The following RAB38 variants were observed in gnomAD, a reference collection of about 807,000 sequenced individuals.
RAB38 encodes ras-related protein Rab-38.
A neutral mutation model predicts 18.4 loss-of-function variants in RAB38; 15 were observed. That is an observed-to-expected ratio of 0.82 (90% CI 0.55 to 1.26). The LOEUF (loss-of-function observed/expected upper bound fraction) is 1.26, where lower values mean the gene tolerates loss of function less well. Ranked by LOEUF, RAB38 falls within the 50% of genes most tolerant of loss-of-function variation. The probability of loss-of-function intolerance (pLI) is 0.00; values close to 1 mark genes in which losing one functional copy is unlikely to be tolerated. For missense variants in RAB38, 294 were observed against 267.4 expected, an observed-to-expected ratio of 1.10 and a Z score of -0.69; for synonymous variants, 101 against 104.4, an observed-to-expected ratio of 0.97 and a Z score of 0.20.
the RAB38 span, among the ~76,000 whole-genome samples, chr11:88,074,723 C>A: frequency 6.6e-6 from 1 of 152,116 alleles, no homozygotes; most frequent in Non-Finnish European, 1.5e-5. Flanking sequence ...ACCAGTGAAT[C>A]TAAATTGATT....
the RAB38 span, among the ~76,000 whole-genome samples, chr11:87,952,640 A>ATAGGG: frequency 1.3e-5 from 2 of 152,170 alleles, no homozygotes; most frequent in African/African-American, 4.8e-5. Flanking sequence ...TGTAATCAGT[A>ATAGGG]TAGGGTTCAG....
chr11:88,161,976 A>AATC (rs1490243726), intron 1 of RAB38, among the ~76,000 whole-genome samples: 1 of 152,122 alleles, frequency 6.6e-6, no homozygotes, highest in Non-Finnish European at 1.5e-5. Flanking sequence ...GTAAATATAT[A>AATC]ATCAACAGTA....
At chr11:88,139,920 T>C (rs1468190116) in intron 2 of RAB38, among the ~76,000 whole-genome samples, 1 of 152,152 alleles carries the variant, frequency 6.6e-6, no homozygotes, top group South Asian at 2.1e-4. Flanking sequence ...AAAAGACAAA[T>C]TTGACAGCCA....
At chr11:87,930,821 G>C in the RAB38 span, among the ~76,000 whole-genome samples, 1 of 148,712 alleles carries the variant, frequency 6.7e-6, no homozygotes, top group Non-Finnish European at 1.5e-5. Flanking sequence ...ATTAAATAGG[G>C]AATCCTTTCC....
the RAB38 span, among the ~76,000 whole-genome samples, chr11:87,835,776 A>G: frequency 1.3e-5 from 2 of 152,188 alleles, no homozygotes; most frequent in East Asian, 1.9e-4. Flanking sequence ...CCTTTATCTT[A>G]GACTTCCATT....
In RAB38 at chr11:88,136,630, A is replaced by C. The variant is rs138968747; in HGVS notation, c.483+13045T>G. On this transcript the variant is annotated intron_variant, in intron 2 of 2. Transcript: ENST00000243662. Reference sequence around the variant, plus strand: ...AAAGAATGAGAACATGTGCAACAGCATTCAAAAGATTTGCACACATTTTTA... The same window carrying C: ...AAAGAATGAGAACATGTGCAACAGCCTTCAAAAGATTTGCACACATTTTTA... Among the ~76,000 whole-genome samples, 1,352 of 152,348 alleles carry C rather than the reference A, an allele frequency of 8.9e-3. 24 individuals are homozygous for C. Among genetic ancestry groups the C allele is most frequent in the African/African-American group, 0.031 (1,284 of 41,586 alleles).
chr11:88,003,880 A>ATATAATATATAATATATATAAAG, the RAB38 span, among the ~76,000 whole-genome samples: 1 of 16,734 alleles, frequency 6.0e-5, no homozygotes, highest in Non-Finnish European at 1.1e-4. Flanking sequence ...ATATATTTAT[A>ATATAATATATAATATATATAAAG]TATATAATTA....
At chr11:87,804,521 C>G in the RAB38 span, among the ~76,000 whole-genome samples, 4 of 152,094 alleles carry the variant, frequency 2.6e-5, no homozygotes, top group African/African-American at 9.7e-5. Flanking sequence ...CCTGTGAGGA[C>G]TTAAATTTTG....
At chr11:88,066,210 A>G in the RAB38 span, among the ~76,000 whole-genome samples, 13 of 152,202 alleles carry the variant, frequency 8.5e-5, no homozygotes, top group African/African-American at 3.1e-4. Flanking sequence ...AGACATTGGT[A>G]GGGATTTTGC....
chr11:88,171,374 A>T (rs571722322), intron 1 of RAB38, among the ~76,000 whole-genome samples: 2 of 152,376 alleles, frequency 1.3e-5, no homozygotes, highest in African/African-American at 4.8e-5. Flanking sequence ...TTTTGCTTAC[A>T]GAGACTACAA....
chr11:87,955,972 T>G, the RAB38 span, among the ~76,000 whole-genome samples: 55 of 152,168 alleles, frequency 3.6e-4, no homozygotes, highest in African/African-American at 1.3e-3. Context: ...AAATGCAATT[T>G]TATAAAACTC....
At chr11:87,965,551 T>G in the RAB38 span, among the ~76,000 whole-genome samples, 1 of 152,056 alleles carries the variant, frequency 6.6e-6, no homozygotes, top group Non-Finnish European at 1.5e-5. Flanking sequence ...CTCTTTAGGG[T>G]TTATAGGGTC....
the RAB38 span, among the ~76,000 whole-genome samples, chr11:87,905,563 G>C: frequency 6.6e-6 from 1 of 151,850 alleles, no homozygotes; most frequent in Non-Finnish European, 1.5e-5. Flanking sequence ...ATTTGGACTA[G>C]AGTAGCCTTA....
intron 1 of RAB38, chr11:88,167,205 G>C (rs1943255921): frequency 6.6e-6 from 1 of 152,052 alleles, no homozygotes; most frequent in Non-Finnish European, 1.5e-5. Flanking sequence ...CAAGAGGAAG[G>C]TGTTTTTTTT....
chr11:88,038,983 C>A, the RAB38 span, among the ~76,000 whole-genome samples: 1 of 152,000 alleles, frequency 6.6e-6, no homozygotes, highest in Non-Finnish European at 1.5e-5. Flanking sequence ...CCTGGCTTTC[C>A]TTTTATAAGT....
At chr11:88,019,073 CT>C in the RAB38 span, among the ~76,000 whole-genome samples, 8 of 151,870 alleles carry the variant, frequency 5.3e-5, no homozygotes, top group Admixed American at 1.3e-4. Flanking sequence ...ATGAAGTACT[CT>C]GCAATTCATA....
At chr11:88,121,745 G>A (rs1476708346) in intron 2 of RAB38, among the ~76,000 whole-genome samples, 3 of 152,118 alleles carry the variant, frequency 2.0e-5, no homozygotes, top group African/African-American at 7.2e-5. Flanking sequence ...TGTATTTTTA[G>A]TAGAGACGGG....
chr11:88,120,231 A>G (rs938893901), intron 2 of RAB38, among the ~76,000 whole-genome samples: 4 of 152,174 alleles, frequency 2.6e-5, no homozygotes, highest in Non-Finnish European at 5.9e-5. Flanking sequence ...CCCTCCTTTA[A>G]CAGATGACAA....
the RAB38 span, among the ~76,000 whole-genome samples, chr11:87,906,434 A>G: frequency 6.6e-6 from 1 of 151,930 alleles, no homozygotes; most frequent in East Asian, 1.9e-4. Context: ...AAATGGAGAT[A>G]GAAATACTCT....
Sources: allele counts gnomAD v4.1 joint callset (sites outside exome capture counted in the v4.1 genomes callset), GRCh38; gene constraint gnomAD v4.1.1; transcripts MANE v1.5; gene names NCBI Gene and HGNC (gene_info 2026-07-23, HGNC 2026-07-21).